The following KLHDC4 variants were observed in gnomAD, a reference collection of about 807,000 sequenced individuals.
The protein encoded by KLHDC4 is kelch domain-containing protein 4.
KLHDC4 carries 90 observed loss-of-function variants against 62.4 expected under a neutral mutation model. That is an observed-to-expected ratio of 1.44 (90% CI 1.22 to 1.72). The LOEUF (loss-of-function observed/expected upper bound fraction) is 1.72, where lower values mean the gene tolerates loss of function less well. Ranked by LOEUF, KLHDC4 falls within the 40% of genes most tolerant of loss-of-function variation. The pLI is 0.00. For synonymous variants in KLHDC4, 386 were observed against 284.4 expected (o/e 1.36, Z -3.59); for missense variants, 1,025 against 699.7 (o/e 1.47, Z -5.25).
chr16:87,762,104 G>A lies in KLHDC4; in HGVS notation c.100-64C>T, dbSNP rs748666630. ...AGGACCCGCCGCGGAGCCACAGCCC[G>A]CTCAGCTTTCCTCCAATCAGTGTGA... On this transcript the variant is annotated intron_variant, in intron 1 of 11. Coordinates refer to ENST00000270583, the MANE Select transcript of KLHDC4 (RefSeq NM_017566.4). The A allele has an allele frequency of 3.8e-5, 61 of 1,595,880 alleles. No homozygotes were observed. In the Middle Eastern group the frequency reaches 2.0e-3, roughly 52 times the overall value.
chr16:87,730,308 T>C (rs1243440059), intron 6 of KLHDC4, among the ~76,000 whole-genome samples: 2 of 152,206 alleles, frequency 1.3e-5, no homozygotes, highest in African/African-American at 2.4e-5. Context: ...TGGTGTAAAA[T>C]TAAAATGTGG....
At chr16:87,708,842 T>C (rs1164127542) in intron 10 of KLHDC4, among the ~76,000 whole-genome samples, 1 of 152,220 alleles carries the variant, frequency 6.6e-6, no homozygotes, top group East Asian at 1.9e-4. Context: ...CTTTAAAAAC[T>C]GCATGGTGAC....
intron 7 of KLHDC4, among the ~76,000 whole-genome samples, chr16:87,723,819 A>G (rs187081976): frequency 5.1e-4 from 77 of 152,368 alleles, no homozygotes; most frequent in Admixed American, 5.2e-4. Context: ...AAGGTATTCA[A>G]TGGAGAATAA....
At chr16:87,753,806 AG>A (rs1463190484) in intron 4 of KLHDC4, among the ~76,000 whole-genome samples, 2 of 124,412 alleles carry the variant, frequency 1.6e-5, no homozygotes, top group Admixed American at 8.6e-5. Context: ...CATCTCAAGG[AG>A]AAAAAAAAAA....
In KLHDC4 at chr16:87,716,340, T is replaced by C. The variant is rs2036980397; in HGVS notation, c.760-1767A>G. On this transcript the variant is annotated intron_variant, in intron 7 of 11. Coordinates refer to ENST00000270583, the MANE Select transcript of KLHDC4 (RefSeq NM_017566.4). ...CGCTATGGTCTTGTGGATATTGACG[T>C]AGACTCTGGGTACGCGCTATGTCTC... 1.3e-5 allele frequency among the ~76,000 whole-genome samples: 2 copies of C among 151,978 alleles called. 1 individual carries two copies. The highest frequency in any genetic ancestry group is 4.1e-4 in the South Asian group (2 of 4,824).
At chr16:87,721,610 G>A (rs1028531980) in intron 7 of KLHDC4, among the ~76,000 whole-genome samples, 3 of 152,106 alleles carry the variant, frequency 2.0e-5, no homozygotes, top group South Asian at 4.1e-4. Context: ...CTCTGGCTCC[G>A]AGGTCAGCCG....
At chr16:87,759,867 C>T (rs778263761) in intron 2 of KLHDC4, among the ~76,000 whole-genome samples, 1 of 152,198 alleles carries the variant, frequency 6.6e-6, no homozygotes, top group East Asian at 1.9e-4. Context: ...GGGGCCCAAA[C>T]TGAGGTCCCC....
chr16:87,726,705 C>T (rs1358809118), intron 7 of KLHDC4, 60 bp downstream of exon 7: 1 of 1,248,160 alleles, frequency 8.0e-7, no homozygotes, highest in Non-Finnish European at 1.0e-6. Flanking sequence ...GTCTCCCCAC[C>T]CCGCGCCTCG....
chr16:87,708,281 C>G, intron 11 of KLHDC4, 69 bp downstream of exon 11: 1 of 1,061,012 alleles, frequency 9.4e-7, no homozygotes, highest in South Asian at 1.5e-5. Flanking sequence ...CAATAAGCAT[C>G]CGATAAACAT....
At chr16:87,755,067 A>T (rs534761804) in intron 4 of KLHDC4, 127 bp downstream of exon 4, 42 of 608,038 alleles carry the variant, frequency 6.9e-5, no homozygotes, top group Admixed American at 4.5e-4. Context: ...AGCAAACAGC[A>T]GAACCAGGCG....
At chr16:87,727,434 A>G (rs552566413) in intron 6 of KLHDC4, among the ~76,000 whole-genome samples, 22 of 152,330 alleles carry the variant, frequency 1.4e-4, no homozygotes, top group South Asian at 6.2e-4. Flanking sequence ...GCCTGGCAGC[A>G]AGGGTGGTAA....
chr16:87,743,135 C>T (rs12934862), intron 5 of KLHDC4: 7,751 of 152,328 alleles, frequency 0.051, 273 homozygotes, highest in East Asian at 0.15. Flanking sequence ...GTCACAGGGC[C>T]TCACTTGTGG....
intron 5 of KLHDC4, among the ~76,000 whole-genome samples, chr16:87,737,466 T>C (rs1421697690): frequency 6.6e-6 from 1 of 152,092 alleles, no homozygotes; most frequent in East Asian, 1.9e-4. Flanking sequence ...TGCGCACCTG[T>C]AATCCCAGCT....
At chr16:87,758,716 A>G (rs1370283155) in intron 2 of KLHDC4, among the ~76,000 whole-genome samples, 1 of 152,238 alleles carries the variant, frequency 6.6e-6, no homozygotes, top group Non-Finnish European at 1.5e-5. Flanking sequence ...GAAAGTTTAC[A>G]AATACGTGTC....
At chr16:87,712,398 T>C (rs1427153180) in intron 8 of KLHDC4, among the ~76,000 whole-genome samples, 1 of 152,046 alleles carries the variant, frequency 6.6e-6, no homozygotes, top group African/African-American at 2.4e-5. Flanking sequence ...CACATGACTG[T>C]GTGAAGGAAC....
chr16:87,755,376 C>T (rs1937274394), intron 3 of KLHDC4, 84 bp from the exon 4 acceptor site: 1 of 750,590 alleles, frequency 1.3e-6, no homozygotes, highest in Admixed American at 2.2e-5. Context: ...ATGACAATTC[C>T]CTGGGAAACT....
chr16:87,726,178 C>T (rs2039339275), intron 7 of KLHDC4, among the ~76,000 whole-genome samples: 2 of 151,276 alleles, frequency 1.3e-5, no homozygotes, highest in South Asian at 4.2e-4. Context: ...TTTCCCACGC[C>T]GCAACTCACC....
chr16:87,737,980 T>C (rs1266329435), intron 5 of KLHDC4, among the ~76,000 whole-genome samples: 1 of 152,156 alleles, frequency 6.6e-6, no homozygotes, highest in Non-Finnish European at 1.5e-5. Flanking sequence ...GGGGAATCCA[T>C]ACACACCCCG....
At chr16:87,708,668 A>C (rs545432596) in intron 10 of KLHDC4, 21 of 420,034 alleles carry the variant, frequency 5.0e-5, no homozygotes, top group African/African-American at 1.2e-4. Context: ...CAGAGATCCG[A>C]GACGGCAAAC....
Sources: gnomAD v4.1 joint callset for allele counts (sites outside exome capture counted in the v4.1 genomes callset) on GRCh38, gnomAD v4.1.1 for gene constraint, MANE v1.5 for transcripts, NCBI Gene and HGNC (gene_info 2026-07-23, HGNC 2026-07-21) for gene names.